Variants in RBFOX1 observed in about 807,000 individuals in gnomAD.
The protein encoded by RBFOX1 is RNA binding protein fox-1 homolog 1.
RBFOX1 carries 8 observed loss-of-function variants against 57.7 expected under a neutral mutation model. That is an observed-to-expected ratio of 0.14 (90% confidence interval 0.08 to 0.25). The LOEUF is 0.25. RBFOX1 is among the 10% of genes least tolerant of loss of function. The probability of loss-of-function intolerance (pLI) is 1.00; values close to 1 mark genes in which losing one functional copy is unlikely to be tolerated. For synonymous variants in RBFOX1, 326 were observed against 222.4 expected (o/e 1.47, Z -4.15); for missense variants, 611 against 548.5 (o/e 1.11, Z -1.14).
chr16:7,641,207 C>A (rs2062732899), intron 11 of RBFOX1, among the ~76,000 whole-genome samples: 1 of 152,140 alleles, frequency 6.6e-6, no homozygotes. Flanking sequence ...TGTGTCCAAC[C>A]ATAGAGGTGG....
At chr16:5,659,900 G>T (rs1161418555) in intron 3 of RBFOX1, among the ~76,000 whole-genome samples, 3 of 152,144 alleles carry the variant, frequency 2.0e-5, no homozygotes, top group South Asian at 2.1e-4. Flanking sequence ...AAATTATGGT[G>T]GTTATTAGGT....
At chr16:5,822,505 A>G (rs1267442024) in intron 3 of RBFOX1, among the ~76,000 whole-genome samples, 4 of 152,186 alleles carry the variant, frequency 2.6e-5, no homozygotes, top group African/African-American at 4.8e-5. Context: ...AATAATAGTA[A>G]TAAATAAGTT....
At chr16:7,249,950 C>G (rs1309272854) in intron 4 of RBFOX1, among the ~76,000 whole-genome samples, 4 of 152,244 alleles carry the variant, frequency 2.6e-5, no homozygotes, top group South Asian at 4.1e-4. Context: ...GACTCTTTCT[C>G]TAAATCTCCT....
chr16:6,368,309 C>A (rs2089959770), intron 2 of RBFOX1, among the ~76,000 whole-genome samples: 1 of 152,206 alleles, frequency 6.6e-6, no homozygotes. Flanking sequence ...CAGCCTGCCC[C>A]AAACCCCAGG....
intron 4 of RBFOX1, among the ~76,000 whole-genome samples, chr16:7,160,519 A>AT (rs912914577): frequency 6.6e-6 from 1 of 151,986 alleles, no homozygotes; most frequent in African/African-American, 2.4e-5. Flanking sequence ...TGTTATACAT[A>AT]TTTTTTTATT....
At chr16:6,095,194 A>G (rs1460257007) in intron 1 of RBFOX1, among the ~76,000 whole-genome samples, 4 of 152,246 alleles carry the variant, frequency 2.6e-5, no homozygotes, top group Non-Finnish European at 4.4e-5. Flanking sequence ...GGTGTTAATA[A>G]AGTTTAAATA....
At chr16:6,712,038 T>C (rs143108375) in intron 3 of RBFOX1, among the ~76,000 whole-genome samples, 64 of 152,356 alleles carry the variant, frequency 4.2e-4, no homozygotes, top group African/African-American at 1.5e-3. Context: ...ATATACTATA[T>C]GGTAAAGTCC....
chr16:6,633,276 TTTTTA>T (rs768947717), intron 2 of RBFOX1, among the ~76,000 whole-genome samples: 5 of 152,084 alleles, frequency 3.3e-5, no homozygotes, highest in Non-Finnish European at 5.9e-5. Flanking sequence ...TGAGTCTTTA[TTTTTA>T]TTTTATTTTT....
intron 3 of RBFOX1, among the ~76,000 whole-genome samples, chr16:5,791,737 A>T (rs2054705257): frequency 6.6e-6 from 1 of 152,218 alleles, no homozygotes; most frequent in Admixed American, 6.5e-5. Context: ...AAACCCTCAC[A>T]TGTTGGACAT....
rs2054900666 is a variant in RBFOX1, at chr16:5,796,991, A to G, written c.319-70312A>G. 2.6e-5 allele frequency among the ~76,000 whole-genome samples: 4 copies of G among 152,220 alleles called. No homozygotes were observed. In the South Asian group the frequency reaches 8.3e-4, roughly 32 times the overall value. On this transcript the variant is annotated intron_variant, in intron 3 of 19. Coordinates refer to the RBFOX1 transcript ENST00000641259. Reference sequence around the variant, plus strand: ...GTTTATATTCCTGTGCAGGAGAACTACAGAAAATTACATAAAATAACTGCA... The same window carrying G: ...GTTTATATTCCTGTGCAGGAGAACTGCAGAAAATTACATAAAATAACTGCA...
At chr16:5,901,556 T>A (rs1488440870) in intron 4 of RBFOX1, among the ~76,000 whole-genome samples, 1 of 152,166 alleles carries the variant, frequency 6.6e-6, no homozygotes, top group East Asian at 1.9e-4. Context: ...AAACTGAAAT[T>A]GGTTAAAATT....
In RBFOX1 at chr16:5,548,170, AAAAAATATAT is replaced by A. The variant is rs200548873; in HGVS notation, c.259-50730_259-50721del. 8.7e-3 allele frequency among the ~76,000 whole-genome samples: 354 copies of A among 40,686 alleles called. 3 individuals carry two copies. Among genetic ancestry groups the A allele is most frequent in the East Asian group, 0.074 (107 of 1,438 alleles). The allele number at this position is 40,686 out of a possible 152,430, so 26.7% of individuals were successfully genotyped here. ...AGCAAGACTCTGTTAAAAAAAAAAA[AAAAAATATAT>A]ATATATATATATATATATATATATA... On this transcript the variant is annotated intron_variant, in intron 2 of 2. Transcript: ENST00000585867.
At chr16:5,291,112 T>A (rs1596412033) in intron 1 of RBFOX1, among the ~76,000 whole-genome samples, 1 of 152,254 alleles carries the variant, frequency 6.6e-6, no homozygotes, top group Middle Eastern at 3.4e-3. Context: ...GGTCTCACAT[T>A]AGGGTGTGGA....
intron 3 of RBFOX1, among the ~76,000 whole-genome samples, chr16:6,655,373 C>CAAAACAAA (rs2098641440): frequency 3.0e-5 from 1 of 33,686 alleles, no homozygotes; most frequent in Non-Finnish European, 5.7e-5. Context: ...GCCTCCGTTT[C>CAAAACAAA]AAAAAAAAAA....
chr16:7,048,739 C>A (rs996629811), intron 3 of RBFOX1, among the ~76,000 whole-genome samples: 2 of 152,124 alleles, frequency 1.3e-5, no homozygotes, highest in Non-Finnish European at 2.9e-5. Flanking sequence ...TGTCTTTTCC[C>A]ATGCAAATTT....
At chr16:5,825,882 T>C (rs2056027298) in intron 3 of RBFOX1, among the ~76,000 whole-genome samples, 2 of 99,366 alleles carry the variant, frequency 2.0e-5, no homozygotes, top group South Asian at 8.9e-4. Context: ...TATTCCGTAA[T>C]ATGAATAAGG....
At chr16:5,530,119 A>G (rs35916324) in intron 2 of RBFOX1, among the ~76,000 whole-genome samples, 106,276 of 151,928 alleles carry the variant, frequency 0.7, 37,746 homozygotes, top group East Asian at 0.88. Flanking sequence ...GCACTTTGCT[A>G]TGGTAGCCCC....
chr16:6,213,726 C>A (rs1308975312), intron 1 of RBFOX1, among the ~76,000 whole-genome samples: 1 of 152,142 alleles, frequency 6.6e-6, no homozygotes, highest in African/African-American at 2.4e-5. Flanking sequence ...TGAGAACCAC[C>A]CCAACTTGTA....
At chr16:6,525,579 G>C (rs1567555815) in intron 2 of RBFOX1, among the ~76,000 whole-genome samples, 1 of 152,014 alleles carries the variant, frequency 6.6e-6, no homozygotes, top group Non-Finnish European at 1.5e-5. Flanking sequence ...TCATTGTTCT[G>C]GAGACTGGGA....
Sources: gnomAD v4.1 joint callset for allele counts (sites outside exome capture counted in the v4.1 genomes callset) on GRCh38, gnomAD v4.1.1 for gene constraint, MANE v1.5 for transcripts, NCBI Gene and HGNC (gene_info 2026-07-23, HGNC 2026-07-21) for gene names.